Variants in FHIT observed in about 807,000 individuals in gnomAD.
FHIT encodes the protein fragile histidine triad diadenosine triphosphatase, also known as bis(5'-adenosyl)-triphosphatase.
A neutral mutation model predicts 17.9 loss-of-function variants in FHIT; 19 were observed. The observed-to-expected ratio is 1.06, with a 90% confidence interval of 0.74 to 1.56. The LOEUF is 1.56. FHIT is among the 40% of genes most tolerant of loss of function. The pLI, the probability that FHIT is intolerant of heterozygous loss-of-function variation, is 0.00. For synonymous variants in FHIT, 81 were observed against 69.7 expected, an observed-to-expected ratio of 1.16 and a Z score of -0.81; for missense variants, 248 against 189.2, an observed-to-expected ratio of 1.31 and a Z score of -1.82.
intron 3 of FHIT, among the ~76,000 whole-genome samples, chr3:61,004,327 T>C (rs1575824119): frequency 6.6e-6 from 1 of 152,166 alleles, no homozygotes; most frequent in East Asian, 1.9e-4. Flanking sequence ...AGTGTACATA[T>C]GCAGTTTCAA....
rs533500739 is a variant in FHIT, at chr3:61,038,465, T to C, written c.-111+3582A>G. On this transcript the variant is annotated intron_variant, in intron 3 of 9. Coordinates refer to ENST00000492590, the MANE Select transcript of FHIT (RefSeq NM_002012.4). ...TAGGTTAAGAGACTTAAGGAACATA[T>C]GTAATATAATGTTTGAATTTGTTTG... 2.8e-4 allele frequency among the ~76,000 whole-genome samples: 42 copies of C among 152,318 alleles called. No individual in the cohort carries two copies. The South Asian group carries it at 8.7e-3, about 32-fold the overall frequency.
At chr3:60,391,565 T>C (rs111622068) in intron 5 of FHIT, among the ~76,000 whole-genome samples, 3,049 of 152,290 alleles carry the variant, frequency 0.02, 32 homozygotes, top group Non-Finnish European at 0.033. Flanking sequence ...TACCATTTTT[T>C]ACTTCTTATA....
At chr3:60,325,158 A>G (rs1709631164) in intron 5 of FHIT, among the ~76,000 whole-genome samples, 1 of 152,180 alleles carries the variant, frequency 6.6e-6, no homozygotes, top group Non-Finnish European at 1.5e-5. Flanking sequence ...ATGATTAAAG[A>G]AGAAAAACAT....
intron 5 of FHIT, among the ~76,000 whole-genome samples, chr3:60,478,768 G>A (rs1016975912): frequency 2.0e-5 from 3 of 152,018 alleles, no homozygotes; most frequent in Non-Finnish European, 4.4e-5. Context: ...TTGCACAAAT[G>A]AACAAATACA....
chr3:60,514,823 G>A (rs533253531), intron 5 of FHIT, among the ~76,000 whole-genome samples: 12 of 152,062 alleles, frequency 7.9e-5, no homozygotes, highest in South Asian at 4.2e-4. Flanking sequence ...ACATGAAAGC[G>A]TTCCTACAGA....
intron 5 of FHIT, among the ~76,000 whole-genome samples, chr3:60,445,783 T>C (rs9846621): frequency 0.27 from 37,773 of 138,358 alleles, 5,609 homozygotes; most frequent in East Asian, 0.56. Flanking sequence ...TAGCAAACTT[T>C]AAAGCAAAAA....
intron 4 of FHIT, among the ~76,000 whole-genome samples, chr3:60,699,464 A>T (rs1223947791): frequency 6.6e-6 from 1 of 152,158 alleles, no homozygotes; most frequent in African/African-American, 2.4e-5. Context: ...TGCTTTGATA[A>T]CTAATGGGGC....
intron 2 of FHIT, among the ~76,000 whole-genome samples, chr3:61,123,885 G>A (rs146378054): frequency 1.8e-3 from 276 of 152,164 alleles, no homozygotes; most frequent in Middle Eastern, 0.017. Flanking sequence ...TTACAAATAC[G>A]TACAACATGG....
chr3:60,821,188 C>A (rs1021728904), intron 4 of FHIT, among the ~76,000 whole-genome samples: 1 of 152,120 alleles, frequency 6.6e-6, no homozygotes, highest in Non-Finnish European at 1.5e-5. Flanking sequence ...GTTGGCCAGG[C>A]TGGTCTCAAA....
chr3:59,908,853 T>TTTTTTTTTTTTTTTTTTTGAGACGG lies in FHIT; in HGVS notation c.348+13492_348+13493insCCGTCTCAAAAAAAAAAAAAAAAAA, dbSNP rs1271629999. ...GAGTCAAGAACATTTCATTTTTTAA[T>TTTTTTTTTTTTTTTTTTTGAGACGG]AGTCCAACTGGTGACTGTGAAAGTA... On this transcript the variant is annotated intron_variant, in intron 8 of 9. Coordinates refer to ENST00000492590, the MANE Select transcript of FHIT (RefSeq NM_002012.4). 2.3e-3 allele frequency among the ~76,000 whole-genome samples: 353 copies of TTTTTTTTTTTTTTTTTTTGAGACGG among 150,714 alleles called. 2 individuals carry two copies. The highest frequency in any genetic ancestry group is 2.9e-3 in the Non-Finnish European group (193 of 67,534).
intron 4 of FHIT, among the ~76,000 whole-genome samples, chr3:60,709,910 T>C (rs2107931386): frequency 1.3e-5 from 2 of 152,236 alleles, no homozygotes; most frequent in Admixed American, 1.3e-4. Context: ...TTATAGTTTG[T>C]CTTTCAATGC....
chr3:60,036,537 TA>T (rs1701224827), intron 5 of FHIT, among the ~76,000 whole-genome samples: 2 of 152,344 alleles, frequency 1.3e-5, no homozygotes, highest in South Asian at 4.1e-4. Flanking sequence ...AATAAAACTT[TA>T]TTTTTTCTTA....
intron 2 of FHIT, among the ~76,000 whole-genome samples, chr3:61,055,166 A>C (rs1166793648): frequency 6.6e-6 from 1 of 152,130 alleles, no homozygotes; most frequent in African/African-American, 2.4e-5. Flanking sequence ...GCTAGGCTTT[A>C]GACAAGGTCT....
chr3:60,014,817 T>C (rs996422865), intron 5 of FHIT, among the ~76,000 whole-genome samples: 1 of 152,126 alleles, frequency 6.6e-6, no homozygotes, highest in African/African-American at 2.4e-5. Flanking sequence ...GAACGAAAGG[T>C]TGTCTGTTTA....
chr3:60,098,675 A>G (rs1704068605), intron 5 of FHIT, among the ~76,000 whole-genome samples: 2 of 151,934 alleles, frequency 1.3e-5, no homozygotes, highest in East Asian at 1.9e-4. Context: ...TTGCCTGTTC[A>G]CTCTGATGGT....
intron 5 of FHIT, among the ~76,000 whole-genome samples, chr3:60,064,942 C>T (rs1702438766): frequency 6.6e-6 from 1 of 152,148 alleles, no homozygotes; most frequent in African/African-American, 2.4e-5. Flanking sequence ...ATAACACTTA[C>T]CCTACTCAAA....
chr3:60,375,751 C>T (rs1700530402), intron 5 of FHIT, among the ~76,000 whole-genome samples: 1 of 152,056 alleles, frequency 6.6e-6, no homozygotes. Flanking sequence ...TTCACTGGGT[C>T]AGTGCCTGCT....
intron 5 of FHIT, among the ~76,000 whole-genome samples, chr3:60,221,783 T>A (rs1703971509): frequency 1.3e-5 from 2 of 152,148 alleles, no homozygotes; most frequent in Admixed American, 6.5e-5. Context: ...TTCTTCAGAA[T>A]TCTGCCTAAA....
intron 4 of FHIT, among the ~76,000 whole-genome samples, chr3:60,750,161 T>C (rs1334100961): frequency 6.6e-6 from 1 of 152,088 alleles, no homozygotes; most frequent in African/African-American, 2.4e-5. Flanking sequence ...GGAAGAGTTT[T>C]CAGGAGTGCA....
Sources: allele counts gnomAD v4.1 joint callset (sites outside exome capture counted in the v4.1 genomes callset), GRCh38; gene constraint gnomAD v4.1.1; transcripts MANE v1.5; gene names NCBI Gene and HGNC (gene_info 2026-07-23, HGNC 2026-07-21).